Variants in GDPD4 observed in about 807,000 individuals in gnomAD.
The protein encoded by GDPD4 is glycerophosphodiester phosphodiesterase domain containing 4, also known as glycerophosphodiester phosphodiesterase 6.
A neutral mutation model predicts 67.8 loss-of-function variants in GDPD4; 60 were observed. The ratio of observed to expected loss-of-function variants is 0.88; its 90% CI spans 0.72 to 1.10. The LOEUF is 1.10. Among genes scored for constraint, GDPD4 ranks in the 50% least tolerant of loss-of-function variants. The pLI, the probability that GDPD4 is intolerant of heterozygous loss-of-function variation, is 0.00. For synonymous variants in GDPD4, 212 were observed against 210.9 expected (o/e 1.00, Z -0.04); for missense variants, 623 against 613.9 (o/e 1.01, Z -0.16).
Position 77,279,418 on chromosome 11 carries a change from CA to C in GDPD4, c.54-20del. On this transcript the variant is annotated intron_variant, in intron 3 of 16. Transcript: ENST00000315938. The stretch of plus-strand genomic sequence containing the variant: ...AGTGACCCTGAAAAAAAATGTGTTT[CA>C]GTTCTTAAAATAATGCAGAAATCAG... The C allele has an allele frequency of 6.7e-7, 1 of 1,491,798 alleles. No individual in the cohort carries two copies. Among genetic ancestry groups the C allele is most frequent in the Middle Eastern group, 1.7e-4 (1 of 5,832 alleles). 92.4% of individuals were successfully genotyped at this position (1,491,798 alleles called of 1,614,324 possible).
At chr11:77,241,305 A>G (rs1265665174) in intron 13 of GDPD4, among the ~76,000 whole-genome samples, 1 of 152,204 alleles carries the variant, frequency 6.6e-6, no homozygotes, top group Non-Finnish European at 1.5e-5. Context: ...GGGCGACATT[A>G]TGGTAAGTGA....
At chr11:77,228,181 C>G (rs1958379625) in intron 15 of GDPD4, among the ~76,000 whole-genome samples, 1 of 151,600 alleles carries the variant, frequency 6.6e-6, no homozygotes. Flanking sequence ...GGTGAAACCC[C>G]ATCTCTACTA....
intron 11 of GDPD4, among the ~76,000 whole-genome samples, chr11:77,247,502 T>C (rs1958801853): frequency 6.6e-6 from 1 of 152,200 alleles, no homozygotes; most frequent in Non-Finnish European, 1.5e-5. Context: ...TGTGCCTCTT[T>C]AGACTTAATC....
intron 11 of GDPD4, among the ~76,000 whole-genome samples, chr11:77,252,062 T>TGG (rs1565523288): frequency 8.0e-6 from 1 of 125,284 alleles, no homozygotes; most frequent in African/African-American, 3.0e-5. Flanking sequence ...TTGTTTTTTT[T>TGG]TTGTTTTTTT....
At chr11:77,252,761 G>T (rs1214905417) in intron 11 of GDPD4, among the ~76,000 whole-genome samples, 1 of 152,198 alleles carries the variant, frequency 6.6e-6, no homozygotes, top group African/African-American at 2.4e-5. Flanking sequence ...TAGTCTCTGT[G>T]CAGCTTCTTT....
In GDPD4 at chr11:77,226,473, C is replaced by T. The variant is rs1020061276; in HGVS notation, c.1525+1391G>A. Among the ~76,000 whole-genome samples, 5 of 152,184 alleles carry T rather than the reference C, an allele frequency of 3.3e-5. No homozygotes were observed. In the East Asian group the frequency reaches 7.7e-4, roughly 23 times the overall value. ...ACACACAGAAAAGGCCATGTGAACA[C>T]ACAGTGAGAAGGCAGCTGCATTCAA... On this transcript the variant is annotated intron_variant, in intron 16 of 16. Coordinates refer to ENST00000315938, the MANE Select transcript of GDPD4 (RefSeq NM_182833.3).
intron 13 of GDPD4, among the ~76,000 whole-genome samples, chr11:77,237,014 A>G (rs1958581895): frequency 6.6e-6 from 1 of 152,218 alleles, no homozygotes; most frequent in South Asian, 2.1e-4. Context: ...TTCCTGTTTA[A>G]GTCTTTCTTT....
At chr11:77,283,077 T>C (rs114187829) in intron 3 of GDPD4, among the ~76,000 whole-genome samples, 2,633 of 152,308 alleles carry the variant, frequency 0.017, 79 homozygotes, top group African/African-American at 0.06. Context: ...TTGTGCCTGA[T>C]TTACAACACT....
At chr11:77,227,766 C>T in intron 16 of GDPD4, 98 bp downstream of exon 16, 1 of 731,046 alleles carries the variant, frequency 1.4e-6, no homozygotes, top group East Asian at 3.1e-5. Context: ...TTTCCAGACA[C>T]CCTCAGCTCT....
chr11:77,249,533 G>A (rs1236862383), intron 11 of GDPD4, among the ~76,000 whole-genome samples: 1 of 152,106 alleles, frequency 6.6e-6, no homozygotes, highest in Non-Finnish European at 1.5e-5. Flanking sequence ...AACTCTTATT[G>A]GATCTGTAAT....
intron 7 of GDPD4, among the ~76,000 whole-genome samples, chr11:77,270,613 G>A (rs891031248): frequency 1.3e-5 from 2 of 152,190 alleles, no homozygotes; most frequent in Admixed American, 1.3e-4. Context: ...GGAGGCTGAG[G>A]CTGGAGAATC....
intron 14 of GDPD4, among the ~76,000 whole-genome samples, chr11:77,230,076 T>C (rs554995880): frequency 2.6e-5 from 4 of 152,308 alleles, no homozygotes; most frequent in African/African-American, 9.6e-5. Context: ...GCCAGGCAGG[T>C]ATTCTAAGCA....
intron 13 of GDPD4, among the ~76,000 whole-genome samples, chr11:77,236,570 C>T (rs938990118): frequency 6.6e-5 from 10 of 151,920 alleles, no homozygotes; most frequent in Admixed American, 3.3e-4. Context: ...AATTATAAGG[C>T]GGCCAGTGTG....
intron 4 of GDPD4, among the ~76,000 whole-genome samples, chr11:77,278,860 A>C (rs1959616928): frequency 1.3e-5 from 2 of 152,384 alleles, no homozygotes; most frequent in East Asian, 3.9e-4. Context: ...CATCTGGGCT[A>C]GGTGACTAGC....
intron 1 of GDPD4, among the ~76,000 whole-genome samples, chr11:77,288,580 A>T (rs1937649073): frequency 6.6e-6 from 1 of 152,218 alleles, no homozygotes; most frequent in East Asian, 1.9e-4. Context: ...GGGAGACTAT[A>T]CTACTGCATG....
chr11:77,267,526 T>C (rs1392509903), intron 10 of GDPD4, among the ~76,000 whole-genome samples: 1 of 152,246 alleles, frequency 6.6e-6, no homozygotes, highest in Admixed American at 6.5e-5. Context: ...TTAGTTTTAA[T>C]TTGCATTTTC....
At chr11:77,223,379 G>A (rs188210058) in intron 16 of GDPD4, among the ~76,000 whole-genome samples, 5 of 152,228 alleles carry the variant, frequency 3.3e-5, no homozygotes, top group Admixed American at 2.6e-4. Flanking sequence ...TTTGGTTATG[G>A]ATGTCCTTTC....
chr11:77,286,448 T>C (rs770088365), intron 2 of GDPD4, among the ~76,000 whole-genome samples: 1 of 152,216 alleles, frequency 6.6e-6, no homozygotes, highest in Non-Finnish European at 1.5e-5. Flanking sequence ...GCAGGAAAGA[T>C]ACAGTGGGGA....
At chr11:77,260,247 A>C (rs1169458518) in intron 10 of GDPD4, among the ~76,000 whole-genome samples, 1 of 150,220 alleles carries the variant, frequency 6.7e-6, no homozygotes, top group Non-Finnish European at 1.5e-5. Context: ...CGGAGGTTGC[A>C]GTTAGACAAA....
Sources: allele counts gnomAD v4.1 joint callset (sites outside exome capture counted in the v4.1 genomes callset), GRCh38; gene constraint gnomAD v4.1.1; transcripts MANE v1.5; gene names NCBI Gene and HGNC (gene_info 2026-07-23, HGNC 2026-07-21).